Variants in SPAG16 observed in about 807,000 individuals in gnomAD.
SPAG16 encodes sperm associated antigen 16.
A neutral mutation model predicts 80.4 loss-of-function variants in SPAG16; 86 were observed. That is an observed-to-expected ratio of 1.07 (90% CI 0.90 to 1.28). The LOEUF (loss-of-function observed/expected upper bound fraction) is 1.28. Among genes scored for constraint, SPAG16 ranks in the 50% most tolerant of loss-of-function variants. The pLI is 0.00. For synonymous variants in SPAG16, 294 were observed against 265.9 expected, an observed-to-expected ratio of 1.11 and a Z score of -1.03; for missense variants, 870 against 765.3, an observed-to-expected ratio of 1.14 and a Z score of -1.61.
intron 10 of SPAG16, among the ~76,000 whole-genome samples, chr2:213,604,913 ATATT>A (rs1157569806): frequency 6.7e-6 from 1 of 149,092 alleles, no homozygotes; most frequent in Non-Finnish European, 1.5e-5. Flanking sequence ...GTTTTTGTAA[ATATT>A]TATTTTATTT....
chr2:214,257,558 A>C (rs1390476699), intron 15 of SPAG16, among the ~76,000 whole-genome samples: 1 of 152,082 alleles, frequency 6.6e-6, no homozygotes, highest in East Asian at 1.9e-4. Flanking sequence ...AGTGTTGATC[A>C]TCAAATGCTT....
chr2:213,387,685 A>C (rs1293271668), intron 9 of SPAG16, among the ~76,000 whole-genome samples: 1 of 149,192 alleles, frequency 6.7e-6, no homozygotes, highest in Non-Finnish European at 1.5e-5. Context: ...CGATCTCCTG[A>C]CCTCGTGATC....
intron 15 of SPAG16, among the ~76,000 whole-genome samples, chr2:214,185,556 CAA>C (rs1054941362): frequency 6.6e-6 from 1 of 151,526 alleles, no homozygotes; most frequent in African/African-American, 2.4e-5. Flanking sequence ...AGAGAAATTA[CAA>C]AGAGGTATTT....
chr2:213,722,871 T>C (rs988239334), intron 10 of SPAG16, among the ~76,000 whole-genome samples: 10 of 152,268 alleles, frequency 6.6e-5, no homozygotes, highest in Non-Finnish European at 1.0e-4. Flanking sequence ...ACTCAGTTGT[T>C]TGGGGGGCTT....
chr2:213,705,322 G>A (rs1294115117), intron 10 of SPAG16, among the ~76,000 whole-genome samples: 3 of 152,072 alleles, frequency 2.0e-5, no homozygotes, highest in Non-Finnish European at 2.9e-5. Context: ...AAGGAATCAA[G>A]TAGACTAGTT....
intron 8 of SPAG16, among the ~76,000 whole-genome samples, chr2:213,365,719 A>G (rs969491086): frequency 2.6e-5 from 4 of 151,948 alleles, no homozygotes; most frequent in Non-Finnish European, 5.9e-5. Context: ...CAGCCTCCCA[A>G]CATGCTGGGA....
rs999484935 is a variant in SPAG16 at position 213,350,638 on chromosome 2, T to C, written c.755T>C (p.Val252Ala). 4 of 1,576,038 alleles carry C rather than the reference T, an allele frequency of 2.5e-6. No individual in the cohort carries two copies. The highest frequency in any genetic ancestry group is 3.4e-6 in the Non-Finnish European group (4 of 1,162,108). Residue 252 changes from valine (V) to alanine (A), a missense_variant, in exon 7 of 16, where the codon GTT becomes GCT. Physicochemically the swap from Val to Ala is moderately conservative, Grantham distance 64. Coordinates refer to ENST00000331683, the MANE Select transcript of SPAG16 (RefSeq NM_024532.5). ...MLTSLERDKVVGQISGLQETL... is the reference protein window; with the variant it reads ...MLTSLERDKVAGQISGLQETL... ...ACCTCCTTGGAAAGAGACAAAGTAG[T>C]TGGGCAGGTAAAGATATAGTCAAAG...
chr2:214,012,236 A>ACT (rs1447351659), intron 12 of SPAG16, among the ~76,000 whole-genome samples: 1 of 132,398 alleles, frequency 7.6e-6, no homozygotes, highest in African/African-American at 2.8e-5. Flanking sequence ...ATACTTACTT[A>ACT]TATATATATA....
chr2:213,509,417 G>A (rs1559204758), intron 10 of SPAG16, among the ~76,000 whole-genome samples: 1 of 152,120 alleles, frequency 6.6e-6, no homozygotes. Flanking sequence ...TTATTAGAGA[G>A]AATTAAGGTC....
chr2:213,643,379 TATATATATATA>T (rs2062690005), intron 10 of SPAG16, among the ~76,000 whole-genome samples: 1 of 68,930 alleles, frequency 1.5e-5, no homozygotes, highest in Non-Finnish European at 2.9e-5. Context: ...TATATATATA[TATATATATATA>T]TATATATATA....
chr2:214,337,193 G>A (rs1198539230), intron 15 of SPAG16, among the ~76,000 whole-genome samples: 3 of 151,890 alleles, frequency 2.0e-5, no homozygotes, highest in East Asian at 1.9e-4. Context: ...TCGTAGTAAA[G>A]TTCTCTCACT....
chr2:213,473,129 T>TAG (rs1162582594), intron 9 of SPAG16, among the ~76,000 whole-genome samples: 3 of 152,160 alleles, frequency 2.0e-5, no homozygotes, highest in Non-Finnish European at 4.4e-5. Flanking sequence ...ATAAATTAAG[T>TAG]AGAAATACAG....
chr2:213,482,762 T>A (rs1389810308), intron 9 of SPAG16, among the ~76,000 whole-genome samples: 2 of 152,134 alleles, frequency 1.3e-5, no homozygotes, highest in African/African-American at 4.8e-5. Flanking sequence ...TGTAGAATTA[T>A]GTATCTAGGA....
intron 15 of SPAG16, among the ~76,000 whole-genome samples, chr2:214,247,136 G>A (rs904681041): frequency 6.6e-6 from 1 of 152,018 alleles, no homozygotes; most frequent in Non-Finnish European, 1.5e-5. Flanking sequence ...ACTCTTTGTG[G>A]CTTTAATCCT....
At chr2:214,229,386 T>C (rs1688530877) in intron 15 of SPAG16, among the ~76,000 whole-genome samples, 1 of 151,840 alleles carries the variant, frequency 6.6e-6, no homozygotes. Context: ...CATGCATCTT[T>C]ATTATCCTGC....
chr2:213,747,466 T>C (rs1247314102), intron 10 of SPAG16, among the ~76,000 whole-genome samples: 1 of 152,204 alleles, frequency 6.6e-6, no homozygotes, highest in Non-Finnish European at 1.5e-5. Flanking sequence ...TCACTCACTT[T>C]CTTACCTAGA....
At chr2:213,888,189 A>G (rs2076640219) in intron 11 of SPAG16, among the ~76,000 whole-genome samples, 1 of 151,886 alleles carries the variant, frequency 6.6e-6, no homozygotes, top group African/African-American at 2.4e-5. Flanking sequence ...CCTTTCAAAT[A>G]AGCTACATAT....
chr2:213,377,329 A>G (rs752339915), intron 9 of SPAG16, among the ~76,000 whole-genome samples: 4 of 152,214 alleles, frequency 2.6e-5, no homozygotes, highest in Non-Finnish European at 5.9e-5. Context: ...AATCATAATA[A>G]CAACTTTATT....
At chr2:213,328,279 T>A (rs182216172) in intron 5 of SPAG16, among the ~76,000 whole-genome samples, 156 of 152,272 alleles carry the variant, frequency 1.0e-3, no homozygotes, top group African/African-American at 2.8e-3. Context: ...AACTTTTTTT[T>A]AAAAATACAG....
Sources: allele counts gnomAD v4.1 joint callset (sites outside exome capture counted in the v4.1 genomes callset), GRCh38; gene constraint gnomAD v4.1.1; transcripts MANE v1.5; gene names NCBI Gene and HGNC (gene_info 2026-07-23, HGNC 2026-07-21).